The following ERBB4 variants were observed in gnomAD, a reference collection of about 807,000 sequenced individuals.
The protein encoded by ERBB4 is receptor tyrosine-protein kinase erbB-4.
Under a neutral mutation model 158.0 loss-of-function variants are expected in ERBB4, and 42 were observed. The observed-to-expected ratio is 0.27, with a 90% CI of 0.21 to 0.34. The LOEUF (loss-of-function observed/expected upper bound fraction) is 0.34. ERBB4 is among the 10% of genes least tolerant of loss of function. The pLI is 1.00. For missense variants in ERBB4, 1,333 were observed against 1,624.1 expected (o/e 0.82, Z 3.08); for synonymous variants, 583 against 558.7 (o/e 1.04, Z -0.61).
chr2:211,535,106 C>A (rs552145407), intron 20 of ERBB4, among the ~76,000 whole-genome samples: 25 of 151,898 alleles, frequency 1.6e-4, no homozygotes, highest in Non-Finnish European at 3.7e-4. Flanking sequence ...TTGTTTCCAA[C>A]GGGGAAAATT....
chr2:211,528,573 T>C (rs952854972), intron 20 of ERBB4, among the ~76,000 whole-genome samples: 1 of 151,992 alleles, frequency 6.6e-6, no homozygotes, highest in Non-Finnish European at 1.5e-5. Flanking sequence ...TTCCTCAGCA[T>C]ACAAATTATT....
In ERBB4 at chr2:211,579,195, A is replaced by T. The variant is rs572079422; in HGVS notation, c.2302-17107T>A. ...CATTCATGTGGCCAACAAACATACAAAAAAAGTTTAACGACACTGAGATGT... is the reference window on the plus strand; with the variant it reads ...CATTCATGTGGCCAACAAACATACATAAAAAGTTTAACGACACTGAGATGT... On this transcript the variant is annotated intron_variant, in intron 19 of 27. Coordinates refer to ENST00000342788, the MANE Select transcript of ERBB4 (RefSeq NM_005235.3). Among the ~76,000 whole-genome samples, 8 of 152,262 alleles carry T rather than the reference A, an allele frequency of 5.3e-5. No homozygotes were observed. The South Asian group carries it at 8.3e-4, about 16-fold the overall frequency.
intron 13 of ERBB4, among the ~76,000 whole-genome samples, chr2:211,677,390 C>T (rs1176392140): frequency 5.3e-5 from 8 of 151,380 alleles, no homozygotes; most frequent in Non-Finnish European, 1.2e-4. Context: ...CATGGAGAAA[C>T]CCTGTCTCTA....
At chr2:211,943,166 A>G (rs2080553327) in intron 3 of ERBB4, among the ~76,000 whole-genome samples, 1 of 152,060 alleles carries the variant, frequency 6.6e-6, no homozygotes, top group African/African-American at 2.4e-5. Context: ...TTAGTAACAG[A>G]TGAGGTGATT....
At position 211,624,008 on chromosome 2, in the gene ERBB4, T is replaced by C. The variant is rs779755081; in HGVS notation, c.2116A>G (p.Asn706Asp). The stretch of plus-strand genomic sequence containing the variant: ...TTCAAAATACGAAGTTGAGCTTGAT[T>C]GGGTGCTGTGCCACTGGGAGTTAAT... ...EPLTPSGTAP[N>D]QAQLRILKET... The change falls in exon 18 of 28, where the codon AAT becomes GAT. Residue 706 changes from asparagine to aspartate, a missense_variant. Asn to Asp is a conservative substitution (Grantham distance 23). Coordinates refer to ENST00000342788, the MANE Select transcript of ERBB4 (RefSeq NM_005235.3). The C allele has an allele frequency of 6.2e-7, 1 of 1,614,118 alleles. No individual in the cohort carries two copies. The highest frequency in any genetic ancestry group is 2.2e-5 in the East Asian group (1 of 44,870).
chr2:211,643,536 T>A (rs1358763186), intron 16 of ERBB4, among the ~76,000 whole-genome samples: 1 of 152,098 alleles, frequency 6.6e-6, no homozygotes, highest in African/African-American at 2.4e-5. Context: ...ATGTCCAAAT[T>A]TTTCACTTTT....
chr2:211,758,339 G>A (rs1575104968), intron 4 of ERBB4, among the ~76,000 whole-genome samples: 1 of 152,044 alleles, frequency 6.6e-6, no homozygotes, highest in African/African-American at 2.4e-5. Context: ...ACATTAAAAG[G>A]TCTTAATGCT....
rs2076791828 is a variant in ERBB4 at position 212,027,146 on chromosome 2, T to C, written c.235-79530A>G. 4.6e-5 allele frequency among the ~76,000 whole-genome samples: 7 copies of C among 152,172 alleles called. 1 individual carries two copies. The highest frequency in any genetic ancestry group is 1.9e-4 in the East Asian group (1 of 5,184). Reference sequence around the variant, plus strand: ...GAGGTAACATCTGTGCTATTTAATATGCTAAGCCTCAGTTTATTCATGTAA... The same window carrying C: ...GAGGTAACATCTGTGCTATTTAATACGCTAAGCCTCAGTTTATTCATGTAA... On this transcript the variant is annotated intron_variant, in intron 2 of 27. Transcript: ENST00000342788.
chr2:212,340,116 T>C (rs2088634474), intron 1 of ERBB4, among the ~76,000 whole-genome samples: 1 of 151,448 alleles, frequency 6.6e-6, no homozygotes, highest in Non-Finnish European at 1.5e-5. Context: ...ACTCACTGAA[T>C]CTTCAACCTC....
chr2:212,135,880 C>T (rs1454355341), intron 1 of ERBB4, among the ~76,000 whole-genome samples: 2 of 152,220 alleles, frequency 1.3e-5, no homozygotes, highest in Non-Finnish European at 2.9e-5. Context: ...CTGCCATCTG[C>T]CCCATCATCT....
At chr2:211,681,150 T>G (rs2072317547) in intron 12 of ERBB4, among the ~76,000 whole-genome samples, 2 of 152,170 alleles carry the variant, frequency 1.3e-5, no homozygotes, top group Non-Finnish European at 2.9e-5. Flanking sequence ...TTTATATAAT[T>G]ATGTTGAGTT....
rs149050999 is a variant in ERBB4, at chr2:211,497,841, A to G, written c.2487+64062T>C. ...AATGTCTGGGTCTGAAAGGCAGAAT[A>G]ATGTAAAGTTGCTTAATTTTTCACA... is the stretch of plus-strand genomic sequence containing the variant. On this transcript the variant is annotated intron_variant, in intron 20 of 27. Transcript: ENST00000342788. Among the ~76,000 whole-genome samples the G allele has an allele frequency of 4.6e-3, 698 of 152,278 alleles. 9 individuals are homozygous for G. The highest frequency in any genetic ancestry group is 0.016 in the African/African-American group (655 of 41,576).
chr2:212,496,178 GTTT>G (rs1690556659), intron 1 of ERBB4, among the ~76,000 whole-genome samples: 1 of 138,942 alleles, frequency 7.2e-6, no homozygotes, highest in African/African-American at 3.4e-5. Context: ...ATTTTAGGAT[GTTT>G]AAAACATTTT....
chr2:211,445,858 G>C (rs1379740503), intron 20 of ERBB4, among the ~76,000 whole-genome samples: 18 of 152,134 alleles, frequency 1.2e-4, no homozygotes. Context: ...TGATGCATGA[G>C]AGGAGCCAGT....
chr2:212,489,054 T>C (rs1690130952), intron 1 of ERBB4, among the ~76,000 whole-genome samples: 1 of 151,168 alleles, frequency 6.6e-6, no homozygotes, highest in South Asian at 2.1e-4. Flanking sequence ...TAATTGCACA[T>C]TCCCATATGG....
intron 25 of ERBB4, among the ~76,000 whole-genome samples, chr2:211,410,843 G>A (rs1205677883): frequency 6.6e-6 from 1 of 152,094 alleles, no homozygotes; most frequent in African/African-American, 2.4e-5. Flanking sequence ...AAAATCCTTA[G>A]GAAGTCAGGG....
chr2:211,979,126 A>C (rs1233588434), intron 2 of ERBB4, among the ~76,000 whole-genome samples: 1 of 152,152 alleles, frequency 6.6e-6, no homozygotes, highest in African/African-American at 2.4e-5. Context: ...AACACAATAG[A>C]CCAAAACAAA....
intron 1 of ERBB4, among the ~76,000 whole-genome samples, chr2:212,299,670 T>C (rs16848225): frequency 0.21 from 31,941 of 151,362 alleles, 3,657 homozygotes; most frequent in South Asian, 0.3. Flanking sequence ...AATGCCAGCA[T>C]GGTATCACCA....
At chr2:211,768,373 G>T (rs1275897663) in intron 4 of ERBB4, among the ~76,000 whole-genome samples, 1 of 152,194 alleles carries the variant, frequency 6.6e-6, no homozygotes, top group Non-Finnish European at 1.5e-5. Context: ...CCAAAGGATG[G>T]TGGCCCTCTT....
Sources: gnomAD v4.1 joint callset for allele counts (sites outside exome capture counted in the v4.1 genomes callset) on GRCh38, gnomAD v4.1.1 for gene constraint, MANE v1.5 for transcripts, NCBI Gene and HGNC (gene_info 2026-07-23, HGNC 2026-07-21) for gene names.